Variants in STUM observed in about 807,000 individuals in gnomAD.
STUM encodes the protein protein stum homolog.
In STUM, 8 loss-of-function variants were observed where a neutral mutation model predicts 15.3. The observed-to-expected ratio is 0.52, with a 90% CI of 0.31 to 0.94. STUM has a LOEUF of 0.94. STUM is among the 40% of genes least tolerant of loss of function. STUM has a pLI of 0.05. For missense variants in STUM, 142 were observed against 204.9 expected, an observed-to-expected ratio of 0.69 and a Z score of 1.87; for synonymous variants, 78 against 88.7, an observed-to-expected ratio of 0.88 and a Z score of 0.68.
chr1:226,567,336 T>C lies in STUM; in HGVS notation c.202+18230T>C, dbSNP rs1558279959. On this transcript the variant is annotated intron_variant, in intron 1 of 3. Coordinates refer to ENST00000366788, the MANE Select transcript of STUM (RefSeq NM_001003665.4). This position sits in a 1 kb window ranked among gnomAD's most constrained non-coding sequence, Gnocchi z 4.5. ...CGTTCAAAAAGCCCATTTACCACAC[T>C]ACACTGCTAAAATGCTGAACATTTG... is the stretch of plus-strand genomic sequence containing the variant. 6.6e-6 allele frequency among the ~76,000 whole-genome samples: 1 copy of C among 152,220 alleles called. No individual in the cohort carries two copies. The highest frequency in any genetic ancestry group is 1.5e-5 in the Non-Finnish European group (1 of 68,044).
intron 3 of STUM, among the ~76,000 whole-genome samples, chr1:226,601,515 G>A (rs2102714987): frequency 6.6e-6 from 1 of 152,284 alleles, no homozygotes. Flanking sequence ...TAAAGGTTTA[G>A]CCTTCAGGCG....
intron 1 of STUM, among the ~76,000 whole-genome samples, chr1:226,582,028 C>T (rs1667925839): frequency 6.6e-6 from 1 of 152,222 alleles, no homozygotes; most frequent in Non-Finnish European, 1.5e-5. Flanking sequence ...CCTCCTCTTC[C>T]AGCTCTCCCT....
intron 1 of STUM, among the ~76,000 whole-genome samples, chr1:226,586,977 T>C (rs1270658358): frequency 6.6e-6 from 1 of 152,144 alleles, no homozygotes; most frequent in African/African-American, 2.4e-5. Flanking sequence ...AAGCCTAGAC[T>C]CTGTCATGGC....
Position 226,585,518 on chromosome 1 carries a change from G to A in STUM, c.203-11284G>A, listed in dbSNP as rs544006643. Among the ~76,000 whole-genome samples, 5 of 152,338 alleles carry A rather than the reference G, an allele frequency of 3.3e-5. No individual in the cohort carries two copies. The South Asian group carries it at 8.3e-4, about 25-fold the overall frequency. ...TTACCTGGAGATGAGGTCTAGAGAAGTGCCATCATTTGTCAAGATTGCACA... is the reference window on the plus strand; with the variant it reads ...TTACCTGGAGATGAGGTCTAGAGAAATGCCATCATTTGTCAAGATTGCACA... On this transcript the variant is annotated intron_variant, in intron 1 of 3. Transcript: ENST00000366788.
At chr1:226,566,357 T>C (rs1467566689) in intron 1 of STUM, among the ~76,000 whole-genome samples, 1 of 152,206 alleles carries the variant, frequency 6.6e-6, no homozygotes, top group Non-Finnish European at 1.5e-5. Context: ...TCTGATTTTT[T>C]TCCCCCTCTT....
At chr1:226,578,854 C>G (rs1477921883) in intron 1 of STUM, among the ~76,000 whole-genome samples, 2 of 152,160 alleles carry the variant, frequency 1.3e-5, no homozygotes, top group East Asian at 3.8e-4. Flanking sequence ...CCAGGGTTTT[C>G]TCTTGCTGAT....
intron 1 of STUM, among the ~76,000 whole-genome samples, chr1:226,596,215 G>C (rs1668176838): frequency 6.6e-6 from 1 of 152,104 alleles, no homozygotes; most frequent in Non-Finnish European, 1.5e-5. Flanking sequence ...CCATCAGGGA[G>C]GGGCTCTGGG....
At chr1:226,597,460 C>T (rs1668200890) in intron 2 of STUM, 1 of 472,464 alleles carries the variant, frequency 2.1e-6, no homozygotes, top group Non-Finnish European at 4.4e-6. Flanking sequence ...CCTCACCTCT[C>T]AGGCACTTTG....
At chr1:226,589,343 C>T (rs1668048568) in intron 1 of STUM, among the ~76,000 whole-genome samples, 2 of 152,206 alleles carry the variant, frequency 1.3e-5, no homozygotes, top group South Asian at 2.1e-4. Flanking sequence ...GACAGCCAAG[C>T]TCCAGGAACT....
Position 226,549,149 on chromosome 1 carries a change from G to A in STUM, c.202+43G>A. The stretch of plus-strand genomic sequence containing the variant: ...CGACCCTTGCGACCCCCACCCCGCC[G>A]CGGGAGGGCGTGGGGGGAGAGAAGG... On this transcript the variant is annotated intron_variant, in intron 1 of 3. Coordinates refer to ENST00000366788, the MANE Select transcript of STUM (RefSeq NM_001003665.4). The surrounding 1 kb of genome is among the most constrained non-coding windows in gnomAD (Gnocchi z 6.8). 1 of 1,521,494 alleles carries A rather than the reference G, an allele frequency of 6.6e-7. No individual in the cohort carries two copies. Among genetic ancestry groups the A allele is most frequent in the East Asian group, 2.6e-5 (1 of 38,412 alleles). The allele number at this position is 1,521,494 out of a possible 1,614,324, so 94.2% of individuals were successfully genotyped here. A position where few individuals can be genotyped will look rare whatever the true frequency, so the allele number is the denominator to read the frequency against.
chr1:226,588,162 T>C (rs1668026066), intron 1 of STUM, among the ~76,000 whole-genome samples: 1 of 152,184 alleles, frequency 6.6e-6, no homozygotes, highest in Admixed American at 6.5e-5. Flanking sequence ...TCCTTGCAAA[T>C]TCCTTGCTGG....
At chr1:226,569,303 T>A (rs1228480339) in intron 1 of STUM, among the ~76,000 whole-genome samples, 1 of 152,214 alleles carries the variant, frequency 6.6e-6, no homozygotes, top group Non-Finnish European at 1.5e-5. Context: ...ATTATTATTA[T>A]CCTTAGAATT....
rs75194782 is a variant in STUM at position 226,577,807 on chromosome 1, T to TG, written c.203-18988dup. Among the ~76,000 whole-genome samples the TG allele has an allele frequency of 4.6e-5, 7 of 151,534 alleles. No individual in the cohort carries two copies. In the South Asian group the frequency reaches 8.4e-4, roughly 18 times the overall value. On this transcript the variant is annotated intron_variant, in intron 1 of 3. Coordinates refer to ENST00000366788, the MANE Select transcript of STUM (RefSeq NM_001003665.4). ...CTCCCCAGACAAATGGGTTGTTCTG[T>TG]GGGGGGGATGGTTGTTCTATGGGAT...
intron 1 of STUM, among the ~76,000 whole-genome samples, chr1:226,557,336 C>T (rs764510499): frequency 5.3e-5 from 8 of 152,064 alleles, no homozygotes; most frequent in Admixed American, 3.3e-4. Flanking sequence ...ATTTATATAC[C>T]GCCTTTTAAG....
intron 1 of STUM, among the ~76,000 whole-genome samples, chr1:226,575,337 C>T (rs1558282037): frequency 6.6e-6 from 1 of 152,270 alleles, no homozygotes; most frequent in Non-Finnish European, 1.5e-5. Context: ...AAAGTGACTT[C>T]TCACCCGAAA....
intron 1 of STUM, among the ~76,000 whole-genome samples, chr1:226,550,541 C>T (rs1667358578): frequency 1.3e-5 from 2 of 151,982 alleles, no homozygotes; most frequent in African/African-American, 2.4e-5. Context: ...ACTGCCTGCC[C>T]CTCCCTCTGG....
intron 1 of STUM, among the ~76,000 whole-genome samples, chr1:226,559,231 G>A (rs1257300929): frequency 2.0e-5 from 3 of 152,160 alleles, no homozygotes; most frequent in Non-Finnish European, 4.4e-5. Flanking sequence ...TTGACCCTGA[G>A]GCCAAGAGCA....
At chr1:226,562,013 T>C (rs2102689228) in intron 1 of STUM, among the ~76,000 whole-genome samples, 1 of 129,084 alleles carries the variant, frequency 7.7e-6, no homozygotes, top group African/African-American at 2.9e-5. Context: ...GGGGGTGAGG[T>C]TGGGGGGAAG....
At chr1:226,582,052 T>C (rs1667926069) in intron 1 of STUM, among the ~76,000 whole-genome samples, 1 of 152,216 alleles carries the variant, frequency 6.6e-6, no homozygotes. Context: ...TTAGTCACCC[T>C]GCAGCCATGC....
Sources: allele counts gnomAD v4.1 joint callset (sites outside exome capture counted in the v4.1 genomes callset), GRCh38; gene constraint gnomAD v4.1.1; non-coding constraint Gnocchi (gnomAD v3.1); transcripts MANE v1.5; gene names NCBI Gene and HGNC (gene_info 2026-07-23, HGNC 2026-07-21).